Variants in GRK5 observed in about 807,000 individuals in gnomAD.
The protein encoded by GRK5 is g protein-coupled receptor kinase GRK5.
In GRK5, 40 loss-of-function variants were observed where a neutral mutation model predicts 78.4. The ratio of observed to expected loss-of-function variants is 0.51; its 90% CI spans 0.40 to 0.66. GRK5 has a LOEUF of 0.66. GRK5 is among the 30% of genes least tolerant of loss of function. GRK5 has a pLI of 0.00. For synonymous variants in GRK5, 289 were observed against 296.8 expected (o/e 0.97, Z 0.27); for missense variants, 598 against 759.9 (o/e 0.79, Z 2.50).
Position 119,456,784 on chromosome 10 carries a change from T to C in GRK5, c.*1717T>C, listed in dbSNP as rs1853407549. 6.6e-6 allele frequency: 1 copy of C among 152,270 alleles called. No homozygotes were observed. The highest frequency in any genetic ancestry group is 1.5e-5 in the Non-Finnish European group (1 of 68,098). 9.4% of individuals were successfully genotyped at this position (152,270 alleles called of 1,614,324 possible). A position where few individuals can be genotyped will look rare whatever the true frequency, so the allele number is the denominator to read the frequency against. ...ATTTCTCTGGATGACGCAGGCAGCA[T>C]TGGAGCATGAGCCGTGGGGAGGACA... On this transcript the variant is annotated 3_prime_UTR_variant, in exon 16 of 16. Coordinates refer to ENST00000392870, the MANE Select transcript of GRK5 (RefSeq NM_005308.3). This position sits in a 1 kb window ranked among gnomAD's most constrained non-coding sequence, Gnocchi z 5.5.
At chr10:119,422,739 C>A (rs779971127) in intron 4 of GRK5, among the ~76,000 whole-genome samples, 2 of 152,248 alleles carry the variant, frequency 1.3e-5, no homozygotes, top group Admixed American at 6.5e-5. Context: ...CAGTGATGAG[C>A]TGGGTCACGC....
intron 4 of GRK5, among the ~76,000 whole-genome samples, chr10:119,418,556 T>A (rs1852509561): frequency 6.6e-6 from 1 of 152,196 alleles, no homozygotes; most frequent in African/African-American, 2.4e-5. Context: ...GATAGCTGGG[T>A]GTCACCCTGA....
chr10:119,432,438 A>G (rs1360775617), intron 8 of GRK5, among the ~76,000 whole-genome samples: 1 of 152,186 alleles, frequency 6.6e-6, no homozygotes, highest in Admixed American at 6.5e-5. Context: ...ACACAGCAAG[A>G]CCTCATCTCT....
intron 13 of GRK5, among the ~76,000 whole-genome samples, chr10:119,449,103 C>T (rs1411162329): frequency 6.6e-6 from 1 of 152,196 alleles, no homozygotes; most frequent in East Asian, 1.9e-4. Flanking sequence ...GTGCTGCAGG[C>T]GAATGACTGC....
chr10:119,332,086 C>T (rs1489110312), intron 2 of GRK5, among the ~76,000 whole-genome samples: 1 of 150,750 alleles, frequency 6.6e-6, no homozygotes, highest in Non-Finnish European at 1.5e-5. Flanking sequence ...AACTGTGGGT[C>T]TAATAGCTAT....
At chr10:119,419,764 G>C (rs192797877) in intron 4 of GRK5, among the ~76,000 whole-genome samples, 21 of 152,332 alleles carry the variant, frequency 1.4e-4, no homozygotes, top group Admixed American at 5.2e-4. Flanking sequence ...GCAGGTAGGA[G>C]GGTCAAATTC....
In GRK5 at chr10:119,448,093, G is replaced by T. The variant is rs779247411; in HGVS notation, c.1267-30G>T. The T allele has an allele frequency of 4.6e-6, 7 of 1,517,542 alleles. No homozygotes were observed. In the South Asian group the frequency reaches 7.9e-5, roughly 17 times the overall value. 94.0% of individuals were successfully genotyped at this position (1,517,542 alleles called of 1,614,324 possible). ...TCCGGACAGGAGGAGAGGCCCAGGG[G>T]ACGTGGCTTCATGGGGCTCTCTGTT... On this transcript the variant is annotated intron_variant, in intron 12 of 15. Transcript: ENST00000392870.
intron 1 of GRK5, among the ~76,000 whole-genome samples, chr10:119,214,487 A>G (rs1848538370): frequency 6.6e-6 from 1 of 152,092 alleles, no homozygotes; most frequent in Non-Finnish European, 1.5e-5. Context: ...AATCTGGAAG[A>G]CAACTGCTAA....
At chr10:119,284,436 C>G (rs957005289) in intron 1 of GRK5, among the ~76,000 whole-genome samples, 2 of 152,142 alleles carry the variant, frequency 1.3e-5, no homozygotes, top group Non-Finnish European at 2.9e-5. Flanking sequence ...CTGAGCCCGG[C>G]TATTTAATCC....
chr10:119,253,820 G>A lies in GRK5; in HGVS notation c.52+45851G>A, dbSNP rs1480003646. Among the ~76,000 whole-genome samples, 1 of 151,448 alleles carries A rather than the reference G, an allele frequency of 6.6e-6. No homozygotes were observed. The highest frequency in any genetic ancestry group is 1.5e-5 in the Non-Finnish European group (1 of 67,964). ...GGGGGCTGGAGGTTGTTTAGTGTTT[G>A]GGTTCCTGGTGGTTCTTTGCCCCAG... On this transcript the variant is annotated intron_variant, in intron 1 of 15. Transcript: ENST00000392870. This position sits in a 1 kb window ranked among gnomAD's most constrained non-coding sequence, Gnocchi z 5.7.
intron 1 of GRK5, among the ~76,000 whole-genome samples, chr10:119,320,919 A>G (rs1749306479): frequency 6.6e-6 from 1 of 152,252 alleles, no homozygotes; most frequent in African/African-American, 2.4e-5. Context: ...CGGGGGCCGT[A>G]GGGCCAGGTC....
At chr10:119,261,077 C>T (rs1205248255) in intron 1 of GRK5, among the ~76,000 whole-genome samples, 2 of 142,954 alleles carry the variant, frequency 1.4e-5, no homozygotes, top group African/African-American at 5.2e-5. Context: ...GCTGGCCGGG[C>T]GGAGACGCTC....
intron 2 of GRK5, among the ~76,000 whole-genome samples, chr10:119,338,354 T>C (rs1850929526): frequency 6.6e-6 from 1 of 152,194 alleles, no homozygotes; most frequent in Non-Finnish European, 1.5e-5. Context: ...GGTAAATTAT[T>C]TTGCTAAAAA....
intron 1 of GRK5, among the ~76,000 whole-genome samples, chr10:119,313,071 ATGGTGGTGG>A (rs547118391): frequency 4.9e-5 from 1 of 20,306 alleles, no homozygotes; most frequent in African/African-American, 2.5e-4. Context: ...GGTGGTGGTG[ATGGTGGTGG>A]TGGTGGTGAT....
At chr10:119,226,291 CTTTTT>C (rs923642113) in intron 1 of GRK5, among the ~76,000 whole-genome samples, 9 of 125,916 alleles carry the variant, frequency 7.1e-5, no homozygotes, top group African/African-American at 2.3e-4. Context: ...TCTTCTTTTT[CTTTTT>C]TTTTTTTTTA....
chr10:119,319,506 C>T (rs568747578), intron 1 of GRK5, among the ~76,000 whole-genome samples: 7 of 152,374 alleles, frequency 4.6e-5, no homozygotes, highest in Non-Finnish European at 8.8e-5. Context: ...CATGCAACCT[C>T]TCCTACCTGC....
At chr10:119,409,694 G>A (rs994623078) in intron 4 of GRK5, among the ~76,000 whole-genome samples, 8 of 148,660 alleles carry the variant, frequency 5.4e-5, no homozygotes, top group East Asian at 3.9e-4. Flanking sequence ...TTCCTGGCTC[G>A]TAGGAGATTC....
Position 119,207,909 on chromosome 10 carries a change from C to G in GRK5, c.-9C>G, listed in dbSNP as rs1848414352. Reference sequence around the variant, plus strand: ...GCCGGCCGGCTCCGTTGCTGACCGCCGACTGTCAATGGAGCTGGAAAACAT... The same window carrying G: ...GCCGGCCGGCTCCGTTGCTGACCGCGGACTGTCAATGGAGCTGGAAAACAT... On this transcript the variant is annotated 5_prime_UTR_variant, in exon 1 of 16. Coordinates refer to ENST00000392870, the MANE Select transcript of GRK5 (RefSeq NM_005308.3). 6.3e-7 allele frequency: 1 copy of G among 1,597,554 alleles called. No individual in the cohort carries two copies. Among genetic ancestry groups the G allele is most frequent in the Non-Finnish European group, 8.5e-7 (1 of 1,173,770 alleles).
At chr10:119,279,519 G>C (rs569112659) in intron 1 of GRK5, among the ~76,000 whole-genome samples, 9 of 152,038 alleles carry the variant, frequency 5.9e-5, no homozygotes, top group Middle Eastern at 3.2e-3. Context: ...GTGCTACTAG[G>C]GGGGTGGGAG....
Sources: gnomAD v4.1 joint callset for allele counts (sites outside exome capture counted in the v4.1 genomes callset) on GRCh38, gnomAD v4.1.1 for gene constraint, Gnocchi (gnomAD v3.1) non-coding constraint, MANE v1.5 for transcripts, NCBI Gene and HGNC (gene_info 2026-07-23, HGNC 2026-07-21) for gene names.